The following CDH11 variants were observed in gnomAD, a reference collection of about 807,000 sequenced individuals.
CDH11 encodes cadherin 11.
CDH11 carries 11 observed loss-of-function variants against 67.8 expected under a neutral mutation model. The observed-to-expected ratio is 0.16, with a 90% CI of 0.10 to 0.27. The LOEUF (loss-of-function observed/expected upper bound fraction) is 0.27. CDH11 is among the 10% of genes least tolerant of loss of function. The pLI, the probability that CDH11 is intolerant of heterozygous loss-of-function variation, is 1.00. For synonymous variants in CDH11, 419 were observed against 400.0 expected (o/e 1.05, Z -0.57); for missense variants, 847 against 1,031.2 (o/e 0.82, Z 2.45).
rs2075202049 is a variant in CDH11 at position 65,113,990 on chromosome 16, T to C, written c.-298+7890A>G. ...TTATCAAATACCAGGTTCCAAACAA[T>C]TGCAGAGCCTTCAAGAAAAGGAAAA... On this transcript the variant is annotated intron_variant, in intron 1 of 12. Coordinates refer to ENST00000268603, the MANE Select transcript of CDH11 (RefSeq NM_001797.4). Among the ~76,000 whole-genome samples, 3 of 152,134 alleles carry C rather than the reference T, an allele frequency of 2.0e-5. No individual in the cohort carries two copies. In the South Asian group the frequency reaches 6.2e-4, roughly 32 times the overall value.
chr16:64,957,600 G>GCA (rs66508762), intron 11 of CDH11, among the ~76,000 whole-genome samples: 10,058 of 144,874 alleles, frequency 0.069, 461 homozygotes, highest in East Asian at 0.2. Context: ...ACATGCCCGT[G>GCA]CACACACACA....
In CDH11 at chr16:64,945,505, TTTGAG is replaced by T. The variant is rs369077961; in HGVS notation, c.*2093_*2097del. ...TTATTTAAATGCTATTCATATTCCT[TTTGAG>T]TTATTTCTTCATTGCAAATTCAATT... On this transcript the variant is annotated 3_prime_UTR_variant, in exon 13 of 13. Transcript: ENST00000268603. The T allele has an allele frequency of 4.8e-4, 493 of 1,033,164 alleles. No homozygotes were observed. The highest frequency in any genetic ancestry group is 1.4e-3 in the African/African-American group (85 of 59,478). 64.0% of individuals were successfully genotyped at this position (1,033,164 alleles called of 1,614,324 possible). A position where few individuals can be genotyped will look rare whatever the true frequency, so the allele number is the denominator to read the frequency against.
chr16:64,981,982 G>A lies in CDH11; in HGVS notation c.1253+66C>T, dbSNP rs2072362672. ...AAATTGAAAAACGTGGTTCCTACAG[G>A]GCTTTCCCAGAACCTCTTGACTCTA... is the stretch of plus-strand genomic sequence containing the variant. On this transcript the variant is annotated intron_variant, in intron 8 of 12. Transcript: ENST00000268603. The A allele has an allele frequency of 4.8e-6, 7 of 1,448,822 alleles. No individual in the cohort carries two copies. The East Asian group carries it at 1.6e-4, about 33-fold the overall frequency. 89.7% of individuals were successfully genotyped at this position (1,448,822 alleles called of 1,614,324 possible). A position where few individuals can be genotyped will look rare whatever the true frequency, so the allele number is the denominator to read the frequency against.
chr16:65,092,900 A>T (rs2074816011), intron 1 of CDH11, among the ~76,000 whole-genome samples: 1 of 151,092 alleles, frequency 6.6e-6, no homozygotes, highest in South Asian at 2.1e-4. Flanking sequence ...TAACAAATTC[A>T]TTCAGCTTAC....
chr16:64,949,071 C>T (rs1034839731), intron 12 of CDH11, among the ~76,000 whole-genome samples: 9 of 152,198 alleles, frequency 5.9e-5, no homozygotes, highest in African/African-American at 2.2e-4. Context: ...CACTTTCACT[C>T]ACACAGACCA....
chr16:65,011,116 T>TAC (rs72092682), intron 2 of CDH11, among the ~76,000 whole-genome samples: 2 of 131,572 alleles, frequency 1.5e-5, no homozygotes, highest in Admixed American at 1.5e-4. Context: ...TATATATACA[T>TAC]ACACACACAC....
intron 4 of CDH11, among the ~76,000 whole-genome samples, chr16:64,997,724 T>C (rs2072810833): frequency 6.6e-6 from 1 of 152,212 alleles, no homozygotes; most frequent in African/African-American, 2.4e-5. Context: ...CATAAAAAGC[T>C]CTGTATGCAC....
chr16:64,988,120 A>G (rs776345341), intron 7 of CDH11, 37 bp downstream of exon 7: 1 of 1,534,364 alleles, frequency 6.5e-7, no homozygotes, highest in Non-Finnish European at 8.9e-7. Context: ...AGAGCAGGCC[A>G]TACCACTGAC....
chr16:65,064,165 G>T (rs1297283636), intron 1 of CDH11, among the ~76,000 whole-genome samples: 1 of 152,116 alleles, frequency 6.6e-6, no homozygotes, highest in Non-Finnish European at 1.5e-5. Context: ...CCTTATCTAG[G>T]AGCCAAACCA....
At chr16:65,020,035 T>C (rs1193530433) in intron 2 of CDH11, among the ~76,000 whole-genome samples, 2 of 152,238 alleles carry the variant, frequency 1.3e-5, no homozygotes, top group South Asian at 2.1e-4. Context: ...TTAGCAACTT[T>C]TATTTTTGGT....
intron 1 of CDH11, among the ~76,000 whole-genome samples, chr16:65,086,253 T>A (rs1453493586): frequency 6.6e-6 from 1 of 152,258 alleles, no homozygotes; most frequent in Non-Finnish European, 1.5e-5. Flanking sequence ...ATGCAGCTAG[T>A]ACCAGGATGC....
chr16:65,080,369 G>C (rs914977883), intron 1 of CDH11, among the ~76,000 whole-genome samples: 1 of 151,816 alleles, frequency 6.6e-6, no homozygotes, highest in African/African-American at 2.4e-5. Context: ...AAATCACTGG[G>C]TCAAAAGAGG....
chr16:64,948,941 T>C (rs2071273580), intron 12 of CDH11, among the ~76,000 whole-genome samples: 1 of 152,184 alleles, frequency 6.6e-6, no homozygotes, highest in South Asian at 2.1e-4. Context: ...TGTGGCTGAA[T>C]CTTGCACTCC....
intron 1 of CDH11, among the ~76,000 whole-genome samples, chr16:65,080,283 C>CA (rs11374863): frequency 0.1 from 12,459 of 121,466 alleles, 869 homozygotes; most frequent in African/African-American, 0.23. Context: ...AGTACAAATG[C>CA]AAAAAAAAAA....
intron 1 of CDH11, among the ~76,000 whole-genome samples, chr16:65,114,952 C>G (rs1445551054): frequency 6.6e-6 from 1 of 152,168 alleles, no homozygotes; most frequent in Non-Finnish European, 1.5e-5. Context: ...ACTGCTCAAA[C>G]CCCTTACAAT....
chr16:65,014,859 C>A (rs953428630), intron 2 of CDH11, among the ~76,000 whole-genome samples: 5 of 151,060 alleles, frequency 3.3e-5, no homozygotes, highest in Admixed American at 1.3e-4. Flanking sequence ...TGGTTTAAAA[C>A]AATTTTTTTT....
intron 11 of CDH11, among the ~76,000 whole-genome samples, chr16:64,965,983 TCA>T (rs1178999267): frequency 1.3e-5 from 2 of 151,720 alleles, no homozygotes; most frequent in Admixed American, 1.3e-4. Context: ...AAACTCTAGG[TCA>T]ACCCATTAAA....
intron 1 of CDH11, among the ~76,000 whole-genome samples, chr16:65,076,044 G>A (rs372704734): frequency 3.8e-4 from 58 of 152,280 alleles, no homozygotes; most frequent in African/African-American, 1.3e-3. Flanking sequence ...TCTGCCTGTG[G>A]GAGGGGCTGT....
intron 2 of CDH11, among the ~76,000 whole-genome samples, chr16:65,015,808 A>G (rs1265650304): frequency 6.6e-6 from 1 of 152,210 alleles, no homozygotes; most frequent in Non-Finnish European, 1.5e-5. Context: ...AATTGTCCCT[A>G]GGTGGCCTTA....
Sources: allele counts gnomAD v4.1 joint callset (sites outside exome capture counted in the v4.1 genomes callset), GRCh38; gene constraint gnomAD v4.1.1; transcripts MANE v1.5; gene names NCBI Gene and HGNC (gene_info 2026-07-23, HGNC 2026-07-21).